SERPINI1: variants seen among roughly 807,000 people sequenced by gnomAD.
SERPINI1 encodes the protein serpin family I member 1, also known as neuroserpin.
A neutral mutation model predicts 41.1 loss-of-function variants in SERPINI1; 19 were observed. The ratio of observed to expected loss-of-function variants is 0.46; its 90% CI spans 0.32 to 0.68. The LOEUF (loss-of-function observed/expected upper bound fraction) is 0.68. Ranked by LOEUF, SERPINI1 falls within the 30% of genes least tolerant of loss-of-function variation. The probability of loss-of-function intolerance (pLI) is 0.03; values close to 1 mark genes in which losing one functional copy is unlikely to be tolerated. For synonymous variants in SERPINI1, 138 were observed against 156.6 expected (o/e 0.88, Z 0.89); for missense variants, 460 against 479.2 (o/e 0.96, Z 0.37).
At chr3:167,798,971 TC>T (rs537980982) in intron 5 of SERPINI1, among the ~76,000 whole-genome samples, 67 of 152,244 alleles carry the variant, frequency 4.4e-4, no homozygotes, top group Admixed American at 3.9e-3. Context: ...TACATACGTA[TC>T]CCTTGAATCT....
chr3:167,794,988 A>G (rs956301724), intron 5 of SERPINI1, among the ~76,000 whole-genome samples, 164 bp downstream of exon 5: 2 of 140,564 alleles, frequency 1.4e-5, no homozygotes, highest in Admixed American at 1.4e-4. Context: ...TTCTTCTTTG[A>G]TTTTCTTCTT....
intron 6 of SERPINI1, among the ~76,000 whole-genome samples, chr3:167,817,169 C>T (rs1712125021): frequency 6.6e-6 from 1 of 152,118 alleles, no homozygotes; most frequent in South Asian, 2.1e-4. Flanking sequence ...CATTTCTCTA[C>T]TGCTGAGTCA....
intron 6 of SERPINI1, among the ~76,000 whole-genome samples, chr3:167,810,855 T>C (rs1711850340): frequency 6.6e-6 from 1 of 152,210 alleles, no homozygotes. Context: ...ACTAAGTTTC[T>C]GTCATAGTTT....
chr3:167,793,594 A>ATG (rs544906097), intron 4 of SERPINI1, among the ~76,000 whole-genome samples: 1 of 106,416 alleles, frequency 9.4e-6, no homozygotes, highest in African/African-American at 3.8e-5. Flanking sequence ...ATATATATAT[A>ATG]TATTTTTAAT....
At chr3:167,775,067 A>G (rs1726917877) in intron 1 of SERPINI1, among the ~76,000 whole-genome samples, 1 of 151,980 alleles carries the variant, frequency 6.6e-6, no homozygotes, top group Non-Finnish European at 1.5e-5. Flanking sequence ...TTATATTATA[A>G]TAACATGTTT....
At chr3:167,799,181 G>A (rs1267795861) in intron 5 of SERPINI1, among the ~76,000 whole-genome samples, 3 of 151,932 alleles carry the variant, frequency 2.0e-5, no homozygotes, top group South Asian at 2.1e-4. Context: ...TCCTAATGCT[G>A]TCCCTCCCCA....
chr3:167,772,155 A>T (rs1292512258), intron 1 of SERPINI1, among the ~76,000 whole-genome samples: 1 of 152,156 alleles, frequency 6.6e-6, no homozygotes, highest in Non-Finnish European at 1.5e-5. Context: ...GCAATAATTT[A>T]TATTATGTCT....
chr3:167,815,892 A>G (rs11715686), intron 6 of SERPINI1, among the ~76,000 whole-genome samples: 390 of 145,744 alleles, frequency 2.7e-3, no homozygotes, highest in Non-Finnish European at 4.7e-3. Context: ...GCTGGATCCC[A>G]TTCTCCTTAC....
chr3:167,747,266 T>C (rs916779309), intron 1 of SERPINI1, among the ~76,000 whole-genome samples: 8 of 151,988 alleles, frequency 5.3e-5, no homozygotes, highest in African/African-American at 1.9e-4. Context: ...TGACTGCAAA[T>C]AGTTATGGGG....
chr3:167,821,208 G>A (rs1214065881), intron 6 of SERPINI1, among the ~76,000 whole-genome samples: 1 of 152,156 alleles, frequency 6.6e-6, no homozygotes, highest in Non-Finnish European at 1.5e-5. Flanking sequence ...GACTGAAAGA[G>A]CTGTAACACA....
chr3:167,818,881 T>C (rs2108573283), intron 6 of SERPINI1, among the ~76,000 whole-genome samples: 1 of 152,298 alleles, frequency 6.6e-6, no homozygotes, highest in East Asian at 1.9e-4. Flanking sequence ...TATGTGCAAA[T>C]TGATGTAGTT....
At chr3:167,741,638 G>A (rs1413913109) in intron 1 of SERPINI1, among the ~76,000 whole-genome samples, 1 of 152,122 alleles carries the variant, frequency 6.6e-6, no homozygotes, top group East Asian at 1.9e-4. Context: ...GCCTTTACTT[G>A]AATTAAATCA....
chr3:167,769,238 C>T (rs755423795), intron 1 of SERPINI1, among the ~76,000 whole-genome samples: 1 of 152,086 alleles, frequency 6.6e-6, no homozygotes, highest in Non-Finnish European at 1.5e-5. Context: ...GTGATCCACC[C>T]GCCTTGGCCT....
At chr3:167,758,466 A>G (rs1383163008) in intron 1 of SERPINI1, among the ~76,000 whole-genome samples, 1 of 152,256 alleles carries the variant, frequency 6.6e-6, no homozygotes, top group Admixed American at 6.5e-5. Context: ...TAGAATTCCA[A>G]TTGATGAATG....
At chr3:167,791,327 A>G (rs747249283) in intron 3 of SERPINI1, among the ~76,000 whole-genome samples, 3 of 152,166 alleles carry the variant, frequency 2.0e-5, no homozygotes, top group Non-Finnish European at 1.5e-5. Context: ...AATCATGTTA[A>G]TCTTGAACTT....
intron 5 of SERPINI1, among the ~76,000 whole-genome samples, chr3:167,797,998 C>T (rs192446268): frequency 6.6e-6 from 1 of 152,092 alleles, no homozygotes; most frequent in Admixed American, 6.6e-5. Flanking sequence ...GTTAATGCTT[C>T]TCTTATTAAA....
intron 6 of SERPINI1, among the ~76,000 whole-genome samples, chr3:167,816,826 A>G (rs183541311): frequency 6.6e-6 from 1 of 152,258 alleles, no homozygotes; most frequent in Admixed American, 6.5e-5. Context: ...GTGTCTTACT[A>G]TACAACAAAA....
chr3:167,804,516 G>C (rs572670852), intron 5 of SERPINI1, among the ~76,000 whole-genome samples: 18 of 152,158 alleles, frequency 1.2e-4, no homozygotes, highest in Non-Finnish European at 1.8e-4. Flanking sequence ...TAAAATAAAA[G>C]TAATAAATGC....
chr3:167,789,186 A>G lies in SERPINI1; in HGVS notation c.58A>G (p.Thr20Ala). ...LVLQSMATGA[T>A]FPEEAIADLS... Reference sequence around the variant, plus strand: ...TCTGCAAAGTATGGCTACAGGGGCCACTTTCCCTGAGGAAGCCATTGCTGA... The same window carrying G: ...TCTGCAAAGTATGGCTACAGGGGCCGCTTTCCCTGAGGAAGCCATTGCTGA... The change falls in exon 2 of 9, where the codon ACT becomes GCT. Residue 20 changes from threonine to alanine, a missense_variant. By Grantham distance (58) the Thr-to-Ala change is moderately conservative (BLOSUM62 0). Transcript: ENST00000446050. 6.2e-7 allele frequency: 1 copy of G among 1,614,122 alleles called. No individual in the cohort carries two copies. The highest frequency in any genetic ancestry group is 1.3e-5 in the African/African-American group (1 of 75,048).
Sources: allele counts gnomAD v4.1 joint callset (sites outside exome capture counted in the v4.1 genomes callset), GRCh38; gene constraint gnomAD v4.1.1; transcripts MANE v1.5; gene names NCBI Gene and HGNC (gene_info 2026-07-23, HGNC 2026-07-21).